The following FRMD5 variants were observed in gnomAD, a reference collection of about 807,000 sequenced individuals.
The protein encoded by FRMD5 is FERM domain-containing protein 5.
In FRMD5, 20 loss-of-function variants were observed where a neutral mutation model predicts 69.0. The ratio of observed to expected loss-of-function variants is 0.29; its 90% CI spans 0.20 to 0.42. FRMD5 has a LOEUF of 0.42. Among genes scored for constraint, FRMD5 ranks in the 10% least tolerant of loss-of-function variants. The probability of loss-of-function intolerance (pLI) is 1.00; values close to 1 mark genes in which losing one functional copy is unlikely to be tolerated. For missense variants in FRMD5, 595 were observed against 708.6 expected, an observed-to-expected ratio of 0.84 and a Z score of 1.82; for synonymous variants, 271 against 260.1, an observed-to-expected ratio of 1.04 and a Z score of -0.40.
intron 1 of FRMD5, among the ~76,000 whole-genome samples, chr15:44,065,410 T>C (rs1893266946): frequency 6.6e-6 from 1 of 152,146 alleles, no homozygotes; most frequent in African/African-American, 2.4e-5. Context: ...ATGAAGAGTA[T>C]CATTTTCCTA....
chr15:43,875,804 G>GTTTTTTTT (rs34063043), intron 13 of FRMD5: 2,188 of 210,444 alleles, frequency 0.01, 83 homozygotes, highest in African/African-American at 0.027. Context: ...CCTGGGCCTA[G>GTTTTTTTT]TTTTTTTTTT....
intron 1 of FRMD5, among the ~76,000 whole-genome samples, chr15:44,008,658 G>T (rs921765698): frequency 5.3e-5 from 8 of 152,086 alleles, no homozygotes; most frequent in African/African-American, 1.9e-4. Context: ...ACTTGCATCA[G>T]ATTTTCAAAG....
chr15:43,964,286 C>T (rs1253612802), intron 1 of FRMD5, among the ~76,000 whole-genome samples: 1 of 151,680 alleles, frequency 6.6e-6, no homozygotes, highest in African/African-American at 2.4e-5. Context: ...TTTCCGTGTT[C>T]ATTTCTGTGA....
At chr15:44,115,748 C>A (rs1302462847) in intron 1 of FRMD5, among the ~76,000 whole-genome samples, 2 of 152,152 alleles carry the variant, frequency 1.3e-5, no homozygotes, top group Non-Finnish European at 2.9e-5. Context: ...CATGTGGAAT[C>A]AGATCAGAGA....
intron 7 of FRMD5, among the ~76,000 whole-genome samples, chr15:43,894,641 C>T (rs570899103): frequency 1.3e-4 from 19 of 151,404 alleles, no homozygotes; most frequent in African/African-American, 3.4e-4. Context: ...CTTGAAATAA[C>T]GGAAGGAAGT....
intron 1 of FRMD5, among the ~76,000 whole-genome samples, chr15:43,947,296 A>G (rs1257768361): frequency 6.6e-6 from 1 of 152,234 alleles, no homozygotes; most frequent in Non-Finnish European, 1.5e-5. Flanking sequence ...ACTTCTTGGT[A>G]GATTACAAAA....
rs534883697 is a variant in FRMD5 at position 44,025,181 on chromosome 15, G to A, written c.103-100872C>T. 2.0e-5 allele frequency among the ~76,000 whole-genome samples: 3 copies of A among 152,196 alleles called. No homozygotes were observed. In the South Asian group the frequency reaches 6.2e-4, roughly 32 times the overall value. ...TGCTACCACCATCACCATTATTAGG[G>A]GGGATACAAATATATACAAATAACT... On this transcript the variant is annotated intron_variant, in intron 1 of 13. Coordinates refer to ENST00000417257, the MANE Select transcript of FRMD5 (RefSeq NM_032892.5).
intron 1 of FRMD5, among the ~76,000 whole-genome samples, chr15:44,055,303 A>T (rs1892827820): frequency 6.6e-6 from 1 of 152,154 alleles, no homozygotes; most frequent in South Asian, 2.1e-4. Context: ...GTAGCACTGT[A>T]GAAGCATCAA....
rs182052346 is a variant in FRMD5, at chr15:44,066,157, C to A, written c.102+128796G>T. 2.0e-3 allele frequency among the ~76,000 whole-genome samples: 311 copies of A among 152,274 alleles called. 1 individual carries two copies. The highest frequency in any genetic ancestry group is 7.1e-3 in the African/African-American group (294 of 41,550). On this transcript the variant is annotated intron_variant, in intron 1 of 13. Coordinates refer to ENST00000417257, the MANE Select transcript of FRMD5 (RefSeq NM_032892.5). ...TCTGCTTTATCTTTTCAAGATTTTT[C>A]TCCACAGATGTAGGTGTCCAGGTTC...
intron 1 of FRMD5, among the ~76,000 whole-genome samples, chr15:43,945,786 G>C (rs1015777893): frequency 6.6e-6 from 1 of 152,112 alleles, no homozygotes; most frequent in Non-Finnish European, 1.5e-5. Flanking sequence ...TCTTCCCCAG[G>C]TGGTGGCTCA....
At chr15:43,996,715 ATTTTTTTTTTTT>A (rs11397296) in intron 1 of FRMD5, among the ~76,000 whole-genome samples, 1 of 86,020 alleles carries the variant, frequency 1.2e-5, no homozygotes, top group African/African-American at 5.0e-5. Flanking sequence ...TCCTCAGCTG[ATTTTTTTTTTTT>A]TTTTTTTTTG....
At chr15:44,046,608 G>A (rs1360988750) in intron 1 of FRMD5, among the ~76,000 whole-genome samples, 2 of 152,202 alleles carry the variant, frequency 1.3e-5, no homozygotes, top group African/African-American at 4.8e-5. Context: ...CCTGGTGTTT[G>A]CTAGCTGACT....
intron 1 of FRMD5, among the ~76,000 whole-genome samples, chr15:44,151,424 GAAAA>G (rs1566972830): frequency 1.3e-5 from 2 of 148,280 alleles, no homozygotes; most frequent in Admixed American, 1.3e-4. Context: ...AAGAAAGAAA[GAAAA>G]AAGAATTAAC....
chr15:43,968,080 C>G (rs141498815), intron 1 of FRMD5, among the ~76,000 whole-genome samples: 3 of 150,936 alleles, frequency 2.0e-5, no homozygotes, highest in East Asian at 3.9e-4. Flanking sequence ...TTTAGGAAAT[C>G]ATCATTTTTA....
chr15:44,011,606 T>TA lies in FRMD5; in HGVS notation c.103-87298dup, dbSNP rs1890725507. Among the ~76,000 whole-genome samples the TA allele has an allele frequency of 4.6e-5, 7 of 152,284 alleles. No homozygotes were observed. In the South Asian group the frequency reaches 1.5e-3, roughly 32 times the overall value. ...GCTGAAGCTATAGATGTGAGACTAT[T>TA]ATGCATACAAATGAGCTGATGCCAT... is the stretch of plus-strand genomic sequence containing the variant. On this transcript the variant is annotated intron_variant, in intron 1 of 13. Transcript: ENST00000417257.
intron 1 of FRMD5, among the ~76,000 whole-genome samples, chr15:44,030,166 T>C (rs1891615805): frequency 6.6e-6 from 1 of 152,092 alleles, no homozygotes; most frequent in South Asian, 2.1e-4. Context: ...TAAATGGGAA[T>C]GAACATGTGT....
intron 1 of FRMD5, among the ~76,000 whole-genome samples, chr15:44,084,701 T>C (rs917832370): frequency 4.6e-5 from 7 of 152,122 alleles, no homozygotes; most frequent in Non-Finnish European, 1.0e-4. Flanking sequence ...TTTTATTCCA[T>C]TGAATTGTAC....
rs192212681 is a variant in FRMD5, at chr15:43,873,050, C to G, written c.*835G>C. The G allele has an allele frequency of 2.7e-4, 220 of 826,208 alleles. No individual in the cohort carries two copies. Among genetic ancestry groups the G allele is most frequent in the Non-Finnish European group, 2.3e-5 (12 of 514,402 alleles). 51.2% of individuals were successfully genotyped at this position (826,208 alleles called of 1,614,324 possible). The stretch of plus-strand genomic sequence containing the variant: ...CTGGTACCACTGAATTCGTTTAACG[C>G]CCCTGGAGCACTATAAAAGTCTTGA... On this transcript the variant is annotated 3_prime_UTR_variant, in exon 14 of 14. Coordinates refer to ENST00000417257, the MANE Select transcript of FRMD5 (RefSeq NM_032892.5).
chr15:43,883,564 A>AG (rs1167331515), intron 13 of FRMD5, 139 bp downstream of exon 13: 1 of 632,120 alleles, frequency 1.6e-6, no homozygotes, highest in Non-Finnish European at 2.8e-6. Context: ...CATCCACTGG[A>AG]TAAAACCTCC....
Sources: gnomAD v4.1 joint callset for allele counts (sites outside exome capture counted in the v4.1 genomes callset) on GRCh38, gnomAD v4.1.1 for gene constraint, MANE v1.5 for transcripts, NCBI Gene and HGNC (gene_info 2026-07-23, HGNC 2026-07-21) for gene names.